MS4A15: variants seen among roughly 807,000 people sequenced by gnomAD.
The protein encoded by MS4A15 is membrane spanning 4-domains A15, also known as membrane-spanning 4-domains subfamily A member 15.
MS4A15 carries 22 observed loss-of-function variants against 20.6 expected under a neutral mutation model. The ratio of observed to expected loss-of-function variants is 1.07; its 90% CI spans 0.76 to 1.52. The LOEUF is 1.52. MS4A15 is among the 40% of genes most tolerant of loss of function. The probability of loss-of-function intolerance (pLI) is 0.00; values close to 1 mark genes in which losing one functional copy is unlikely to be tolerated. For synonymous variants in MS4A15, 129 were observed against 129.3 expected, an observed-to-expected ratio of 1.00 and a Z score of 0.02; for missense variants, 312 against 323.0, an observed-to-expected ratio of 0.97 and a Z score of 0.26.
chr11:60,758,134 G>A (rs1853638104), intron 1 of MS4A15, among the ~76,000 whole-genome samples: 1 of 152,088 alleles, frequency 6.6e-6, no homozygotes, highest in Non-Finnish European at 1.5e-5. Context: ...TGCAAAATTT[G>A]GATAATAATA....
rs1192695222 is a variant in MS4A15, at chr11:60,775,640, C to T, written c.648C>T (p.Asp216=). The change falls in exon 7 of 7, where the codon GAC becomes GAT. Residue 216 remains aspartate, a synonymous_variant. Coordinates refer to ENST00000405633, the MANE Select transcript of MS4A15 (RefSeq NM_001098835.2). ...VIFLPNAFSA[D]FNIPSPAASA... Reference sequence around the variant, plus strand: ...TCCTGCCAAACGCCTTCAGCGCAGACTTCAACATCCCCAGCCCGGCAGCCT... The same window carrying T: ...TCCTGCCAAACGCCTTCAGCGCAGATTTCAACATCCCCAGCCCGGCAGCCT... The T allele has an allele frequency of 2.5e-6, 4 of 1,614,034 alleles. No homozygotes were observed. The highest frequency in any genetic ancestry group is 1.3e-5 in the African/African-American group (1 of 75,066).
intron 5 of MS4A15, 136 bp from the exon 6 acceptor site, chr11:60,773,701 C>A: frequency 1.2e-6 from 1 of 829,332 alleles, no homozygotes. Context: ...GGGTGCAGGA[C>A]TGGCGGCAGG....
At chr11:60,765,250 C>A (rs1395398) in intron 2 of MS4A15, among the ~76,000 whole-genome samples, 140,974 of 152,186 alleles carry the variant, frequency 0.93, 65,638 homozygotes, top group Non-Finnish European at 0.98. Flanking sequence ...CAGTGTGTTT[C>A]TGTACTGGTT....
chr11:60,773,972 C>CCCCCCCCCCCCAAA, intron 6 of MS4A15, 22 bp downstream of exon 6: 1 of 1,578,926 alleles, frequency 6.3e-7, no homozygotes, highest in Non-Finnish European at 8.7e-7. Context: ...CACCCCCACC[C>CCCCCCCCCCCCAAA]CCACGTCCAC....
intron 3 of MS4A15, 83 bp downstream of exon 3, chr11:60,767,738 C>T: frequency 2.8e-6 from 4 of 1,411,806 alleles, no homozygotes; most frequent in Non-Finnish European, 3.7e-6. Flanking sequence ...CCCCACCATC[C>T]TCCTGGGCAC....
chr11:60,764,132 G>A (rs144262910), intron 2 of MS4A15, among the ~76,000 whole-genome samples, 174 bp downstream of exon 2: 1 of 152,366 alleles, frequency 6.6e-6, no homozygotes, highest in Non-Finnish European at 1.5e-5. Flanking sequence ...TTCACAGAGA[G>A]TAAACCAGTA....
At chr11:60,771,780 G>T (rs192023669) in intron 4 of MS4A15, 242 of 1,206,338 alleles carry the variant, frequency 2.0e-4, no homozygotes, top group Admixed American at 7.3e-4. Context: ...AAAGTGGAAA[G>T]AAATCAGACA....
At chr11:60,757,989 A>C (rs61898833) in intron 1 of MS4A15, among the ~76,000 whole-genome samples, 4,856 of 152,322 alleles carry the variant, frequency 0.032, 114 homozygotes, top group Non-Finnish European at 0.047. Flanking sequence ...TTTACGAAGG[A>C]GGTGATTGAG....
rs1446106650 is a variant in MS4A15 at position 60,767,660 on chromosome 11, G to A, written c.348+5G>A. 2.6e-6 allele frequency: 4 copies of A among 1,546,224 alleles called. No homozygotes were observed. In the African/African-American group the frequency reaches 4.1e-5, roughly 16 times the overall value. ...CCCTTCTGGGGAGGAGCCTGCGTGAGTGCCGGGGCCATGGAGAGGGAGGGT... is the reference window on the plus strand; with the variant it reads ...CCCTTCTGGGGAGGAGCCTGCGTGAATGCCGGGGCCATGGAGAGGGAGGGT... On this transcript the variant is annotated splice_donor_5th_base_variant and intron_variant, in intron 3 of 6. Coordinates refer to ENST00000405633, the MANE Select transcript of MS4A15 (RefSeq NM_001098835.2).
rs565124981 is a variant in MS4A15 at position 60,775,662 on chromosome 11, G to A, written c.670G>A (p.Ala224Thr). The change falls in exon 7 of 7, where the codon GCC (alanine) becomes ACC (threonine). Residue 224 changes from alanine to threonine, a missense_variant. Physicochemically the swap from Ala to Thr is moderately conservative, Grantham distance 58. Coordinates refer to ENST00000405633, the MANE Select transcript of MS4A15 (RefSeq NM_001098835.2). ...SADFNIPSPA[A>T]SAPPAYDNVA... Reference sequence around the variant, plus strand: ...AGACTTCAACATCCCCAGCCCGGCAGCCTCTGCGCCCCCTGCCTATGACAA... The same window carrying A: ...AGACTTCAACATCCCCAGCCCGGCAACCTCTGCGCCCCCTGCCTATGACAA... 9.2e-5 allele frequency: 148 copies of A among 1,613,962 alleles called. 3 individuals are homozygous for A. The South Asian group carries it at 1.6e-3, about 17-fold the overall frequency.
At chr11:60,772,126 C>T (rs776793933) in intron 4 of MS4A15, among the ~76,000 whole-genome samples, 14 of 152,200 alleles carry the variant, frequency 9.2e-5, no homozygotes, top group Non-Finnish European at 1.3e-4. Flanking sequence ...ATCACGGAAC[C>T]GAGTCTTCAC....
intron 3 of MS4A15, among the ~76,000 whole-genome samples, 189 bp from the exon 4 acceptor site, chr11:60,771,102 G>C (rs2134724137): frequency 6.6e-6 from 1 of 152,318 alleles, no homozygotes; most frequent in Middle Eastern, 3.4e-3. Context: ...CACTCACCTT[G>C]TAAGCCACAG....
At chr11:60,757,978 G>A (rs1317233490) in intron 1 of MS4A15, among the ~76,000 whole-genome samples, 1 of 152,182 alleles carries the variant, frequency 6.6e-6, no homozygotes, top group Non-Finnish European at 1.5e-5. Context: ...TACATTCACC[G>A]TTTACGAAGG....
In MS4A15 at chr11:60,770,208, G is replaced by A. The variant is rs1049960845; in HGVS notation, c.349-1083G>A. 6.6e-5 allele frequency among the ~76,000 whole-genome samples: 10 copies of A among 152,278 alleles called. No homozygotes were observed. The South Asian group carries it at 1.5e-3, about 22-fold the overall frequency. ...ACAACCCTGACACCCACCCAACCTC[G>A]AGTAGCCCCAGTGACCGCTATGACT... is the stretch of plus-strand genomic sequence containing the variant. On this transcript the variant is annotated intron_variant, in intron 3 of 6. Transcript: ENST00000405633.
At chr11:60,773,748 C>T in intron 5 of MS4A15, 89 bp from the exon 6 acceptor site, 2 of 1,098,748 alleles carry the variant, frequency 1.8e-6, no homozygotes, top group African/African-American at 1.5e-5. Context: ...TCCCAACTAG[C>T]CGCATGACCT....
At position 60,776,046 on chromosome 11, in the gene MS4A15, T is replaced by G. The variant is rs1271604651; in HGVS notation, c.*331T>G. On this transcript the variant is annotated 3_prime_UTR_variant, in exon 7 of 7. Transcript: ENST00000405633. ...ATCCTGGCCTCATTGGAGACTCAGGTTCGAGGCCTGCCCTGACCCTCGGGC... is the reference window on the plus strand; with the variant it reads ...ATCCTGGCCTCATTGGAGACTCAGGGTCGAGGCCTGCCCTGACCCTCGGGC... 1 of 196,148 alleles carries G rather than the reference T, an allele frequency of 5.1e-6. No individual in the cohort carries two copies. Among genetic ancestry groups the G allele is most frequent in the African/African-American group, 2.3e-5 (1 of 43,590 alleles). 12.2% of individuals were successfully genotyped at this position (196,148 alleles called of 1,614,324 possible).
chr11:60,763,045 ACT>A (rs567630153), intron 1 of MS4A15, among the ~76,000 whole-genome samples: 76 of 151,938 alleles, frequency 5.0e-4, no homozygotes, highest in Non-Finnish European at 9.1e-4. Flanking sequence ...GCTGGGGTGG[ACT>A]CTCTCAGAAG....
At chr11:60,771,906 GA>G in intron 4 of MS4A15, 1 of 517,136 alleles carries the variant, frequency 1.9e-6, no homozygotes. Context: ...CAGGCTCAGA[GA>G]ACACGGCAAT....
At chr11:60,761,199 G>T (rs1359686322) in intron 1 of MS4A15, among the ~76,000 whole-genome samples, 2 of 152,292 alleles carry the variant, frequency 1.3e-5, no homozygotes, top group East Asian at 3.9e-4. Flanking sequence ...ATTTGGGATG[G>T]ATTAAACTTA....
Sources: gnomAD v4.1 joint callset for allele counts (sites outside exome capture counted in the v4.1 genomes callset) on GRCh38, gnomAD v4.1.1 for gene constraint, MANE v1.5 for transcripts, NCBI Gene and HGNC (gene_info 2026-07-23, HGNC 2026-07-21) for gene names.